The following COL14A1 variants were observed in gnomAD, a reference collection of about 807,000 sequenced individuals.
The protein encoded by COL14A1 is collagen alpha-1(XIV) chain.
COL14A1 carries 136 observed loss-of-function variants against 230.3 expected under a neutral mutation model. The observed-to-expected ratio is 0.59, with a 90% CI of 0.51 to 0.68. COL14A1 has a LOEUF of 0.68. COL14A1 is among the 30% of genes least tolerant of loss of function. The pLI is 0.00. For missense variants in COL14A1, 1,976 were observed against 2,215.8 expected, an observed-to-expected ratio of 0.89 and a Z score of 2.17; for synonymous variants, 792 against 784.1, an observed-to-expected ratio of 1.01 and a Z score of -0.17.
chr8:120,244,734 C>T (rs1473110598), intron 20 of COL14A1, among the ~76,000 whole-genome samples: 3 of 152,150 alleles, frequency 2.0e-5, no homozygotes, highest in African/African-American at 7.2e-5. Context: ...TTATGCAAGC[C>T]ACTCTCTCTC....
chr8:120,363,005 G>C (rs1304533593), intron 45 of COL14A1, among the ~76,000 whole-genome samples: 1 of 152,150 alleles, frequency 6.6e-6, no homozygotes, highest in Non-Finnish European at 1.5e-5. Context: ...AAAGGCACTA[G>C]TAGTTGATAT....
intron 45 of COL14A1, among the ~76,000 whole-genome samples, chr8:120,346,583 G>A (rs1822521802): frequency 6.6e-6 from 1 of 152,160 alleles, no homozygotes; most frequent in Non-Finnish European, 1.5e-5. Context: ...AACAGGCCTT[G>A]TGTATTTCTG....
intron 33 of COL14A1, among the ~76,000 whole-genome samples, chr8:120,287,354 G>A (rs1232730678): frequency 6.6e-6 from 1 of 152,090 alleles, no homozygotes; most frequent in East Asian, 1.9e-4. Flanking sequence ...CAGCTCTTAG[G>A]ACTTAACATT....
intron 42 of COL14A1, among the ~76,000 whole-genome samples, chr8:120,337,401 T>TAAAA (rs60418574): frequency 1.1e-4 from 14 of 129,462 alleles, no homozygotes; most frequent in African/African-American, 3.5e-4. Flanking sequence ...GTCTCAAAAT[T>TAAAA]AAAAAAAAAA....
At chr8:120,171,256 CA>C (rs1202034508) in intron 5 of COL14A1, among the ~76,000 whole-genome samples, 2 of 151,926 alleles carry the variant, frequency 1.3e-5, no homozygotes, top group African/African-American at 4.8e-5. Context: ...TCATTCTTGA[CA>C]AATACATTAA....
chr8:120,159,588 C>T (rs1815590804), intron 3 of COL14A1, among the ~76,000 whole-genome samples: 1 of 152,150 alleles, frequency 6.6e-6, no homozygotes, highest in East Asian at 1.9e-4. Context: ...TTAATGTGGA[C>T]GTCTTACTCA....
In COL14A1 at chr8:120,247,736, G is replaced by C; in HGVS notation, c.2602+1G>C. The C allele has an allele frequency of 6.2e-7, 1 of 1,613,392 alleles. No homozygotes were observed. Among genetic ancestry groups the C allele is most frequent in the Non-Finnish European group, 8.5e-7 (1 of 1,179,792 alleles). The stretch of plus-strand genomic sequence containing the variant: ...AGAATTGTCTACAAACCTGTCAGTG[G>C]TAAGTAATGCTTTGTAAATAATGTT... On this transcript the variant is annotated splice_donor_variant, in intron 21 of 47. Transcript: ENST00000297848. LOFTEE classifies it high-confidence loss of function.
intron 34 of COL14A1, among the ~76,000 whole-genome samples, chr8:120,290,763 G>T (rs1479610097): frequency 6.6e-6 from 1 of 152,134 alleles, no homozygotes; most frequent in African/African-American, 2.4e-5. Context: ...AGTCCAAGTG[G>T]GAGAGTGATT....
intron 5 of COL14A1, among the ~76,000 whole-genome samples, chr8:120,173,648 CTCTATCTATCTATCTATCTATCTATCTA>C (rs59734398): frequency 2.1e-5 from 3 of 146,252 alleles, no homozygotes; most frequent in African/African-American, 7.6e-5. Context: ...TATTATCTGT[CTCTATCTATCTATCTATCTATCTATCTA>C]TCTATCTATC....
chr8:120,333,264 T>G (rs1821932656), intron 42 of COL14A1, among the ~76,000 whole-genome samples: 1 of 152,196 alleles, frequency 6.6e-6, no homozygotes, highest in African/African-American at 2.4e-5. Flanking sequence ...TCTCTTAGGT[T>G]GGTGTTTAAA....
chr8:120,269,835 A>G (rs144746094), intron 25 of COL14A1, among the ~76,000 whole-genome samples, 200 bp from the exon 26 acceptor site: 72 of 151,898 alleles, frequency 4.7e-4, no homozygotes, highest in African/African-American at 1.7e-3. Flanking sequence ...AGTCATGAAT[A>G]AGAACCTTGA....
rs369690930 is a variant in COL14A1, at chr8:120,270,147, G to A, written c.3186G>A (p.Leu1062=). The part of the protein sequence containing the change: ...ISFLYSTVGA[L]NKIGTDGTQV... The stretch of plus-strand genomic sequence containing the variant: ...TTCTATACAGCACTGTTGGAGCCCT[G>A]AACAAGATTGGCACAGATGGAACCC... Residue 1062 remains leucine, a synonymous_variant, in exon 26 of 48, where the codon CTG becomes CTA. Coordinates refer to ENST00000297848, the MANE Select transcript of COL14A1 (RefSeq NM_021110.4). 8.3e-5 allele frequency: 133 copies of A among 1,610,756 alleles called. No homozygotes were observed. Among genetic ancestry groups the A allele is most frequent in the Non-Finnish European group, 9.4e-5 (111 of 1,178,092 alleles).
At chr8:120,201,398 A>T (rs1817244169) in intron 8 of COL14A1, among the ~76,000 whole-genome samples, 1 of 152,024 alleles carries the variant, frequency 6.6e-6, no homozygotes, top group Non-Finnish European at 1.5e-5. Flanking sequence ...GCATCCTGTG[A>T]CCTCATATTG....
intron 5 of COL14A1, among the ~76,000 whole-genome samples, chr8:120,185,161 G>A (rs1190197390): frequency 6.6e-6 from 1 of 152,172 alleles, no homozygotes; most frequent in Non-Finnish European, 1.5e-5. Flanking sequence ...GATTAAATGG[G>A]TATTAACCTC....
rs1235051244 is a variant in COL14A1, at chr8:120,227,219, G to T, written c.2005-1G>T. On this transcript the variant is annotated splice_acceptor_variant, in intron 16 of 47. Coordinates refer to ENST00000297848, the MANE Select transcript of COL14A1 (RefSeq NM_021110.4). LOFTEE classifies it high-confidence loss of function. ...TTACTAAGCACCAAAATATATTTCAGGTTGTCCTGAAAGAAGAGCAGGACT... is the reference window on the plus strand; with the variant it reads ...TTACTAAGCACCAAAATATATTTCATGTTGTCCTGAAAGAAGAGCAGGACT... The T allele has an allele frequency of 1.4e-5, 22 of 1,613,000 alleles. No individual in the cohort carries two copies. Among genetic ancestry groups the T allele is most frequent in the Non-Finnish European group, 1.8e-5 (21 of 1,179,536 alleles).
chr8:120,343,123 T>A (rs1822369830), intron 44 of COL14A1, among the ~76,000 whole-genome samples: 1 of 152,202 alleles, frequency 6.6e-6, no homozygotes, highest in Non-Finnish European at 1.5e-5. Context: ...TTTGCTTAGA[T>A]CCCACCACTT....
chr8:120,231,931 G>T (rs1818282747), intron 19 of COL14A1: 1 of 261,134 alleles, frequency 3.8e-6, no homozygotes, highest in Non-Finnish European at 7.3e-6. Flanking sequence ...ATGCACTTGT[G>T]TCTGTATATA....
chr8:120,292,920 A>G (rs1820415854), intron 34 of COL14A1, among the ~76,000 whole-genome samples: 1 of 152,092 alleles, frequency 6.6e-6, no homozygotes, highest in Admixed American at 6.5e-5. Flanking sequence ...AATAAAATCA[A>G]CTGGTGTTCA....
chr8:120,371,022 G>C (rs563594430), intron 47 of COL14A1, 130 bp from the exon 48 acceptor site: 1 of 1,041,850 alleles, frequency 9.6e-7, no homozygotes, highest in East Asian at 2.4e-5. Flanking sequence ...AAGGGGCGTG[G>C]TGGATTAAGA....
Sources: allele counts gnomAD v4.1 joint callset (sites outside exome capture counted in the v4.1 genomes callset), GRCh38; gene constraint gnomAD v4.1.1; transcripts MANE v1.5; gene names NCBI Gene and HGNC (gene_info 2026-07-23, HGNC 2026-07-21).